CDH10: variants seen among roughly 807,000 people sequenced by gnomAD.
CDH10 encodes cadherin-10.
In CDH10, 30 loss-of-function variants were observed where a neutral mutation model predicts 73.1. The ratio of observed to expected loss-of-function variants is 0.41; its 90% confidence interval spans 0.31 to 0.56. CDH10 has a LOEUF of 0.56. CDH10 is among the 20% of genes least tolerant of loss of function. CDH10 has a pLI of 0.27. For synonymous variants in CDH10, 345 were observed against 348.2 expected (o/e 0.99, Z 0.10); for missense variants, 815 against 973.7 (o/e 0.84, Z 2.17).
intron 1 of CDH10, among the ~76,000 whole-genome samples, chr5:24,600,950 T>C (rs915269236): frequency 2.6e-5 from 4 of 152,108 alleles, no homozygotes; most frequent in African/African-American, 9.7e-5. Flanking sequence ...GGTTATGTCT[T>C]TGATGGGCCC....
intron 1 of CDH10, among the ~76,000 whole-genome samples, chr5:24,634,155 A>T (rs769598449): frequency 3.3e-5 from 5 of 151,998 alleles, no homozygotes; most frequent in African/African-American, 4.8e-5. Context: ...TTTTGAAAAG[A>T]AATGATTATT....
chr5:24,612,674 G>C (rs1018250962), intron 1 of CDH10: 1 of 152,116 alleles, frequency 6.6e-6, no homozygotes, highest in African/African-American at 2.4e-5. Flanking sequence ...AGTCAACTGA[G>C]AAAAGCTCTC....
At chr5:24,492,955 AT>A in intron 9 of CDH10, 30 bp from the exon 10 acceptor site, 1 of 849,774 alleles carries the variant, frequency 1.2e-6, no homozygotes, top group Non-Finnish European at 2.1e-6. Context: ...TATCTCATCA[AT>A]ATATCTCTTA....
chr5:24,538,985 A>C (rs1041050168), intron 2 of CDH10, among the ~76,000 whole-genome samples: 4 of 152,026 alleles, frequency 2.6e-5, no homozygotes, highest in African/African-American at 9.7e-5. Context: ...TGCTTCAACA[A>C]ATTTTTATGT....
chr5:24,535,001 G>T, intron 5 of CDH10, 111 bp downstream of exon 5: 1 of 988,818 alleles, frequency 1.0e-6, no homozygotes, highest in Non-Finnish European at 1.5e-6. Context: ...TTTTCAATAT[G>T]TTTTAAATTA....
rs962292191 is a variant in CDH10 at position 24,577,401 on chromosome 5, C to A, written c.231+15859G>T. On this transcript the variant is annotated intron_variant, in intron 2 of 11. Transcript: ENST00000264463. ...CATAAAATATAGTTGTTCATTAATA[C>A]GTTTTTCAAAATTTTAATTGCATAG... Among the ~76,000 whole-genome samples, 5 of 151,874 alleles carry A rather than the reference C, an allele frequency of 3.3e-5. 1 individual carries two copies. The highest frequency in any genetic ancestry group is 4.8e-5 in the African/African-American group (2 of 41,266).
chr5:24,498,637 T>A, intron 8 of CDH10, 118 bp from the exon 9 acceptor site: 1 of 663,526 alleles, frequency 1.5e-6, no homozygotes, highest in East Asian at 2.6e-5. Flanking sequence ...GCAATCATTC[T>A]ACTAATATAA....
intron 2 of CDH10, among the ~76,000 whole-genome samples, chr5:24,573,817 C>T (rs1012202682): frequency 6.8e-6 from 1 of 147,442 alleles, no homozygotes; most frequent in Admixed American, 6.8e-5. Context: ...TAATTTTTAT[C>T]GCATTAAATA....
intron 1 of CDH10, among the ~76,000 whole-genome samples, chr5:24,603,408 A>C (rs758759395): frequency 6.6e-6 from 1 of 152,244 alleles, no homozygotes; most frequent in Non-Finnish European, 1.5e-5. Flanking sequence ...ATTGAAAAAC[A>C]ACCTTTGTGA....
At chr5:24,505,914 A>G (rs10075704) in intron 7 of CDH10, among the ~76,000 whole-genome samples, 10,250 of 152,146 alleles carry the variant, frequency 0.067, 1,060 homozygotes, top group African/African-American at 0.22. Context: ...AGGAGTTCAA[A>G]AGCAGCCTGA....
At chr5:24,580,103 G>T (rs1364264089) in intron 2 of CDH10, among the ~76,000 whole-genome samples, 1 of 152,048 alleles carries the variant, frequency 6.6e-6, no homozygotes, top group Non-Finnish European at 1.5e-5. Context: ...AGAAATTTCT[G>T]TTGTATCAAC....
rs534947333 is a variant in CDH10 at position 24,634,862 on chromosome 5, A to T, written c.-124+9732T>A. Among the ~76,000 whole-genome samples, 432 of 151,926 alleles carry T rather than the reference A, an allele frequency of 2.8e-3. 2 individuals carry two copies. Among genetic ancestry groups the T allele is most frequent in the Non-Finnish European group, 4.3e-3 (292 of 67,818 alleles). On this transcript the variant is annotated intron_variant, in intron 1 of 11. Transcript: ENST00000264463. Reference sequence around the variant, plus strand: ...AACTGTGATATAATCCTGGATTTTTAAAATAAAGCTTTTAAAAACGTATTT... The same window carrying T: ...AACTGTGATATAATCCTGGATTTTTTAAATAAAGCTTTTAAAAACGTATTT...
rs573646302 is a variant in CDH10, at chr5:24,551,360, G to A, written c.232-13686C>T. The stretch of plus-strand genomic sequence containing the variant: ...TCGACACAGATACTTTATATATTCT[G>A]ATTTAACAATTGGGTAATATATTAC... On this transcript the variant is annotated intron_variant, in intron 2 of 11. Transcript: ENST00000264463. Among the ~76,000 whole-genome samples the A allele has an allele frequency of 3.9e-5, 6 of 152,128 alleles. 1 individual carries two copies. Among genetic ancestry groups the A allele is most frequent in the African/African-American group, 1.4e-4 (6 of 41,504 alleles).
intron 1 of CDH10, among the ~76,000 whole-genome samples, chr5:24,600,613 T>C (rs985415911): frequency 1.1e-4 from 17 of 152,004 alleles, no homozygotes; most frequent in Non-Finnish European, 2.2e-4. Flanking sequence ...TGCGTGTGTG[T>C]GTGTGTGTGT....
chr5:24,617,860 A>G (rs1291646020), intron 1 of CDH10, among the ~76,000 whole-genome samples: 1 of 152,122 alleles, frequency 6.6e-6, no homozygotes, highest in Non-Finnish European at 1.5e-5. Flanking sequence ...ATAACCGTAA[A>G]CCCAATTGGT....
At chr5:24,523,461 T>C (rs930822178) in intron 5 of CDH10, among the ~76,000 whole-genome samples, 3 of 151,968 alleles carry the variant, frequency 2.0e-5, no homozygotes, top group South Asian at 2.1e-4. Flanking sequence ...GATAAAAAAA[T>C]TACCATATCA....
chr5:24,580,797 GA>G (rs1745771712), intron 2 of CDH10, among the ~76,000 whole-genome samples: 1 of 152,062 alleles, frequency 6.6e-6, no homozygotes, highest in African/African-American at 2.4e-5. Context: ...ATTCCTTCTG[GA>G]AGCTTCAAAG....
chr5:24,644,525 C>T (rs1027631634), intron 1 of CDH10, 69 bp downstream of exon 1: 1 of 151,824 alleles, frequency 6.6e-6, no homozygotes, highest in African/African-American at 2.4e-5. Context: ...CCTCTCCCCC[C>T]CCACCCCTCA....
chr5:24,489,385 T>C (rs960786029), intron 11 of CDH10, among the ~76,000 whole-genome samples: 1 of 152,172 alleles, frequency 6.6e-6, no homozygotes, highest in Non-Finnish European at 1.5e-5. Context: ...TGATAAGTGT[T>C]CTTGCCCAAG....
Sources: allele counts gnomAD v4.1 joint callset (sites outside exome capture counted in the v4.1 genomes callset), GRCh38; gene constraint gnomAD v4.1.1; transcripts MANE v1.5; gene names NCBI Gene and HGNC (gene_info 2026-07-23, HGNC 2026-07-21).